Variants in EZH2 observed in about 807,000 individuals in gnomAD.
EZH2 encodes enhancer of zeste 2 polycomb repressive complex 2 subunit, also known as histone-lysine N-methyltransferase EZH2.
Under a neutral mutation model 98.4 loss-of-function variants are expected in EZH2, and 18 were observed. That is an observed-to-expected ratio of 0.18 (90% CI 0.13 to 0.27). The LOEUF (loss-of-function observed/expected upper bound fraction) is 0.27. EZH2 is among the 10% of genes least tolerant of loss of function. The pLI is 1.00. For missense variants in EZH2, 470 were observed against 935.1 expected (o/e 0.50, Z 6.49); for synonymous variants, 338 against 312.3 (o/e 1.08, Z -0.87).
rs1402189141 is a variant in EZH2, at chr7:148,846,563, T to A, written c.153A>T (p.Glu51Asp). 1 of 1,612,858 alleles carries A rather than the reference T, an allele frequency of 6.2e-7. No individual in the cohort carries two copies. The highest frequency in any genetic ancestry group is 8.5e-7 in the Non-Finnish European group (1 of 1,179,788). The change falls in exon 3 of 20, where the codon GAA becomes GAT. Residue 51 changes from glutamate (E) to aspartate (D), a missense_variant. Transcript: ENST00000320356. Reference sequence around the variant, plus strand: ...ATTCTTGGTTTAAGATTTCCGTTCTTTCCAAAATTTTCTGACGATTGGAAC... The same window carrying A: ...ATTCTTGGTTTAAGATTTCCGTTCTATCCAAAATTTTCTGACGATTGGAAC... ...MFSSNRQKIL[E>D]RTEILNQEWK... is the part of the protein sequence containing the mutation.
chr7:148,837,056 G>A (rs954269699), intron 3 of EZH2: 12 of 461,354 alleles, frequency 2.6e-5, no homozygotes, highest in African/African-American at 2.2e-4. Flanking sequence ...CACTGTGCTA[G>A]AGACTTTACC....
At chr7:148,823,811 C>G (rs1305511909) in intron 8 of EZH2, among the ~76,000 whole-genome samples, 1 of 152,022 alleles carries the variant, frequency 6.6e-6, no homozygotes, top group Non-Finnish European at 1.5e-5. Context: ...CCACCGCGCC[C>G]AGCACATCTT....
chr7:148,819,726 A>G (rs746696607), intron 8 of EZH2, 39 bp from the exon 9 acceptor site: 4 of 1,555,744 alleles, frequency 2.6e-6, no homozygotes, highest in Admixed American at 1.7e-5. Flanking sequence ...ATATAACTAT[A>G]AAATACTTAC....
At chr7:148,840,238 T>C (rs1045209618) in intron 3 of EZH2, among the ~76,000 whole-genome samples, 11 of 152,182 alleles carry the variant, frequency 7.2e-5, no homozygotes, top group African/African-American at 2.4e-4. Context: ...TATATAAAGT[T>C]CAGTACAGCA....
intron 3 of EZH2, among the ~76,000 whole-genome samples, chr7:148,841,995 GT>G (rs1812570928): frequency 6.6e-6 from 1 of 152,148 alleles, no homozygotes; most frequent in Admixed American, 6.5e-5. Flanking sequence ...AAGTCCAAAA[GT>G]TTTTAAATTC....
intron 8 of EZH2, among the ~76,000 whole-genome samples, chr7:148,822,116 G>GT (rs1368001583): frequency 2.6e-5 from 4 of 152,082 alleles, no homozygotes; most frequent in African/African-American, 2.4e-5. Flanking sequence ...AAAGATTTAT[G>GT]TTTTTAAAAA....
In EZH2 at chr7:148,847,179, T is replaced by C; in HGVS notation, c.117+3A>G. On this transcript the variant is annotated splice_donor_region_variant and intron_variant, in intron 2 of 19. Coordinates refer to ENST00000320356, the MANE Select transcript of EZH2 (RefSeq NM_004456.5). ...TTCATTTTCACAAAAGATAAAATTA[T>C]ACCTTTACTTCATCAGCTCGTCTGA... 6.2e-7 allele frequency: 1 copy of C among 1,603,874 alleles called. No individual in the cohort carries two copies.
chr7:148,826,665 T>C, intron 7 of EZH2, 33 bp from the exon 8 acceptor site: 1 of 1,428,446 alleles, frequency 7.0e-7, no homozygotes, highest in Non-Finnish European at 9.2e-7. Context: ...TAAGTAAACA[T>C]GAAACAAAAA....
rs59597308 is a variant in EZH2, at chr7:148,846,838, C to CTGTGTG, written c.118-246_118-241dup. 6.9e-4 allele frequency among the ~76,000 whole-genome samples: 93 copies of CTGTGTG among 135,172 alleles called. 2 individuals carry two copies. Among genetic ancestry groups the CTGTGTG allele is most frequent in the South Asian group, 1.8e-3 (7 of 3,908 alleles). The allele number at this position is 135,172 out of a possible 152,430, so 88.7% of individuals were successfully genotyped here. On this transcript the variant is annotated intron_variant, in intron 2 of 19. Transcript: ENST00000320356. ...ACGATTGCCATCCTTTCTTTGTTGA[C>CTGTGTG]TGTGTGTGTGTGTGTGTGTGTGTGT... is the stretch of plus-strand genomic sequence containing the variant.
chr7:148,882,326 G>A (rs1041482797), intron 1 of EZH2, among the ~76,000 whole-genome samples: 1 of 152,076 alleles, frequency 6.6e-6, no homozygotes, highest in Non-Finnish European at 1.5e-5. Context: ...TTTCTAACTT[G>A]TTTTCTTGGA....
At chr7:148,866,966 A>G (rs111880657) in intron 1 of EZH2, among the ~76,000 whole-genome samples, 26,737 of 149,222 alleles carry the variant, frequency 0.18, 2,600 homozygotes, top group East Asian at 0.26. Flanking sequence ...CACCCGCCTC[A>G]GCCTCCCAAA....
Position 148,826,450 on chromosome 7 carries a change from G to A in EZH2, c.907+4C>T, listed in dbSNP as rs774474064. The A allele has an allele frequency of 1.9e-5, 30 of 1,553,870 alleles. No homozygotes were observed. The highest frequency in any genetic ancestry group is 4.6e-5 in the East Asian group (2 of 43,708). On this transcript the variant is annotated splice_donor_region_variant and intron_variant, in intron 8 of 19. Transcript: ENST00000320356. Reference sequence around the variant, plus strand: ...CACAACAAAGATAGAAAATGAAAACGTACAATAATTGCACTTACGATGTAG... The same window carrying A: ...CACAACAAAGATAGAAAATGAAAACATACAATAATTGCACTTACGATGTAG...
chr7:148,849,454 G>A (rs1472865867), intron 1 of EZH2, among the ~76,000 whole-genome samples: 2 of 152,204 alleles, frequency 1.3e-5, no homozygotes, highest in African/African-American at 2.4e-5. Flanking sequence ...TGAAGGGAAC[G>A]AAGAGATAAG....
chr7:148,871,360 G>A (rs1472036172), intron 1 of EZH2, among the ~76,000 whole-genome samples: 2 of 137,292 alleles, frequency 1.5e-5, no homozygotes, highest in East Asian at 4.3e-4. Context: ...TCATCCCACA[G>A]CATATGCAGA....
At chr7:148,828,939 T>C in intron 5 of EZH2, 59 bp from the exon 6 acceptor site, 3 of 1,527,248 alleles carry the variant, frequency 2.0e-6, no homozygotes, top group Non-Finnish European at 2.7e-6. Flanking sequence ...AAAGTTTATG[T>C]ATCCTTTTTC....
chr7:148,845,855 C>A (rs990036463), intron 3 of EZH2, among the ~76,000 whole-genome samples: 1 of 152,134 alleles, frequency 6.6e-6, no homozygotes, highest in Non-Finnish European at 1.5e-5. Flanking sequence ...AGACTTTTGC[C>A]ATTTTCTTCT....
chr7:148,862,923 G>GTTTTT (rs1554421152), intron 1 of EZH2, among the ~76,000 whole-genome samples: 2 of 150,714 alleles, frequency 1.3e-5, no homozygotes, highest in Admixed American at 6.6e-5. Context: ...GTTTTGTTTT[G>GTTTTT]TTTTTTTAAA....
At chr7:148,810,887 ACT>A (rs1802846870) in intron 16 of EZH2, among the ~76,000 whole-genome samples, 1 of 131,424 alleles carries the variant, frequency 7.6e-6, no homozygotes, top group African/African-American at 3.1e-5. Context: ...CAAGAGCGAA[ACT>A]CTGTCTCAAA....
chr7:148,826,637 C>T lies in EZH2; in HGVS notation c.729-5G>A. 2 of 1,450,632 alleles carry T rather than the reference C, an allele frequency of 1.4e-6. No individual in the cohort carries two copies. The highest frequency in any genetic ancestry group is 1.8e-6 in the Non-Finnish European group (2 of 1,093,110). The allele number at this position is 1,450,632 out of a possible 1,614,324, so 89.9% of individuals were successfully genotyped here. A position where few individuals can be genotyped will look rare whatever the true frequency, so the allele number is the denominator to read the frequency against. ...TGTTCGGTGAGTTCTTTATATCTGACATTAACCAAGAAAAATTTAAGTAAA... is the reference window on the plus strand; with the variant it reads ...TGTTCGGTGAGTTCTTTATATCTGATATTAACCAAGAAAAATTTAAGTAAA... On this transcript the variant is annotated splice_polypyrimidine_tract_variant and splice_region_variant and intron_variant, in intron 7 of 19. Transcript: ENST00000320356.
Sources: gnomAD v4.1 joint callset for allele counts (sites outside exome capture counted in the v4.1 genomes callset) on GRCh38, gnomAD v4.1.1 for gene constraint, MANE v1.5 for transcripts, NCBI Gene and HGNC (gene_info 2026-07-23, HGNC 2026-07-21) for gene names.